Variants in DHDDS observed in about 807,000 individuals in gnomAD.
DHDDS encodes the protein dehydrodolichyl diphosphate synthase complex subunit DHDDS.
Under a neutral mutation model 46.2 loss-of-function variants are expected in DHDDS, and 16 were observed. The ratio of observed to expected loss-of-function variants is 0.35; its 90% CI spans 0.23 to 0.53. The LOEUF is 0.53. DHDDS is among the 20% of genes least tolerant of loss of function. The pLI, the probability that DHDDS is intolerant of heterozygous loss-of-function variation, is 0.94. For synonymous variants in DHDDS, 151 were observed against 163.1 expected (o/e 0.93, Z 0.56); for missense variants, 340 against 423.7 (o/e 0.80, Z 1.73).
At chr1:26,435,482 G>A (rs1421607185) in intron 2 of DHDDS, among the ~76,000 whole-genome samples, 1 of 136,174 alleles carries the variant, frequency 7.3e-6, no homozygotes, top group African/African-American at 2.8e-5. Flanking sequence ...CTGTCACCCA[G>A]GCTGGAGTGC....
rs767108433 is a variant in DHDDS, at chr1:26,451,841, G to C, written c.542+4181G>C. ...AGACGGGTTTCACCATGTTAGCCAG[G>C]ATGGTCTCGATCTCCTGACCTCGTG... On this transcript the variant is annotated intron_variant, in intron 6 of 8. Transcript: ENST00000236342. Among the ~76,000 whole-genome samples, 18 of 151,900 alleles carry C rather than the reference G, an allele frequency of 1.2e-4. 1 individual carries two copies. Among genetic ancestry groups the C allele is most frequent in the Non-Finnish European group, 2.5e-4 (17 of 67,978 alleles).
intron 4 of DHDDS, 106 bp from the exon 5 acceptor site, chr1:26,446,210 C>A: frequency 1.1e-6 from 1 of 875,646 alleles, no homozygotes; most frequent in Non-Finnish European, 1.9e-6. Flanking sequence ...GGGTCTGACA[C>A]ACAGGAAAGC....
chr1:26,462,868 A>T (rs550833771), intron 8 of DHDDS: 21 of 152,376 alleles, frequency 1.4e-4, no homozygotes, highest in African/African-American at 4.8e-4. Context: ...TGGAACTTGT[A>T]TTCTTGAGGA....
chr1:26,439,731 C>G (rs2075198921), intron 3 of DHDDS, among the ~76,000 whole-genome samples: 1 of 152,138 alleles, frequency 6.6e-6, no homozygotes, highest in Admixed American at 6.5e-5. Context: ...CCCGGCAAAC[C>G]AGGACATCAC....
chr1:26,465,200 GGAT>G (rs1224944096), intron 8 of DHDDS, among the ~76,000 whole-genome samples: 3 of 152,194 alleles, frequency 2.0e-5, no homozygotes, highest in African/African-American at 7.2e-5. Flanking sequence ...TCATCTCCAA[GGAT>G]GATATTAGAG....
At chr1:26,461,716 A>G (rs2075424318) in intron 8 of DHDDS, among the ~76,000 whole-genome samples, 1 of 152,242 alleles carries the variant, frequency 6.6e-6, no homozygotes, top group Non-Finnish European at 1.5e-5. Context: ...GGTTCACATA[A>G]CTGCTGAAAT....
chr1:26,458,580 A>G (rs904540827), intron 7 of DHDDS, among the ~76,000 whole-genome samples: 8 of 152,054 alleles, frequency 5.3e-5, no homozygotes, highest in African/African-American at 1.9e-4. Flanking sequence ...TCTACTAAAA[A>G]TACAGAAATT....
chr1:26,452,467 T>C (rs1042833820), intron 6 of DHDDS, among the ~76,000 whole-genome samples: 1 of 152,232 alleles, frequency 6.6e-6, no homozygotes, highest in Non-Finnish European at 1.5e-5. Context: ...CCGTGTTACC[T>C]TGAACGGGCT....
Position 26,440,504 on chromosome 1 carries a change from T to C in DHDDS, c.180+2220T>C, listed in dbSNP as rs141171910. ...AGCAATCTCTATCTCAGTAGATTAT[T>C]TGAAGATAAATAAGATGGCACAATG... On this transcript the variant is annotated intron_variant, in intron 3 of 8. Coordinates refer to ENST00000236342, the MANE Select transcript of DHDDS (RefSeq NM_205861.3). Among the ~76,000 whole-genome samples, 1,319 of 152,326 alleles carry C rather than the reference T, an allele frequency of 8.7e-3. 21 individuals are homozygous for C. The highest frequency in any genetic ancestry group is 0.029 in the African/African-American group (1,215 of 41,564).
rs181386887 is a variant in DHDDS, at chr1:26,455,683, G to A, written c.543-2108G>A. 3.6e-3 allele frequency among the ~76,000 whole-genome samples: 555 copies of A among 152,270 alleles called. 16 individuals carry two copies. The highest frequency in any genetic ancestry group is 0.032 in the Admixed American group (488 of 15,286). On this transcript the variant is annotated intron_variant, in intron 6 of 8. Transcript: ENST00000236342. The stretch of plus-strand genomic sequence containing the variant: ...AATCACTTGAACCCGAGAGGTGGAG[G>A]TTGCGGGAGCCAAGATTGCGCCACT...
rs553626225 is a variant in DHDDS, at chr1:26,450,986, G to T, written c.542+3326G>T. ...TAATATGCATTATGCCTAGGACTCTGATCTTGACTCCTAGTCCAGCATGCT... is the reference window on the plus strand; with the variant it reads ...TAATATGCATTATGCCTAGGACTCTTATCTTGACTCCTAGTCCAGCATGCT... On this transcript the variant is annotated intron_variant, in intron 6 of 8. Transcript: ENST00000236342. Among the ~76,000 whole-genome samples, 3 of 152,286 alleles carry T rather than the reference G, an allele frequency of 2.0e-5. No individual in the cohort carries two copies. The South Asian group carries it at 6.2e-4, about 32-fold the overall frequency.
chr1:26,442,897 G>A (rs1557437512), intron 4 of DHDDS, 24 bp downstream of exon 4: 4 of 1,613,654 alleles, frequency 2.5e-6, no homozygotes, highest in Middle Eastern at 1.7e-4. Flanking sequence ...AGAGGGGAGA[G>A]CATGTTCTTC....
At chr1:26,456,998 T>G (rs2075375534) in intron 6 of DHDDS, among the ~76,000 whole-genome samples, 1 of 152,226 alleles carries the variant, frequency 6.6e-6, no homozygotes, top group Non-Finnish European at 1.5e-5. Context: ...CATCAAATAC[T>G]GGGCCATAGG....
intron 3 of DHDDS, chr1:26,438,541 T>C (rs1279615599): frequency 7.0e-6 from 3 of 428,328 alleles, no homozygotes; most frequent in Non-Finnish European, 1.3e-5. Flanking sequence ...CCGGGTAACA[T>C]AGTCAGACCC....
chr1:26,437,087 G>A (rs1249671721), intron 2 of DHDDS, among the ~76,000 whole-genome samples: 2 of 151,754 alleles, frequency 1.3e-5, no homozygotes, highest in South Asian at 2.1e-4. Context: ...GGAGAATGGC[G>A]TGAACCCAGG....
intron 2 of DHDDS, among the ~76,000 whole-genome samples, chr1:26,433,458 G>T (rs2075122781): frequency 1.3e-5 from 2 of 151,972 alleles, no homozygotes; most frequent in Non-Finnish European, 2.9e-5. Flanking sequence ...AGACCAGCCT[G>T]GGCAACATGG....
chr1:26,468,958 G>A lies in DHDDS; in HGVS notation c.829G>A (p.Val277Met). Residue 277 changes from valine (V) to methionine (M), a missense_variant, in exon 9 of 9, where the codon GTG becomes ATG. Val to Met is a conservative substitution (Grantham distance 21). Transcript: ENST00000236342. Reference protein sequence around the residue: ...RQQLERDQATVTEQLLREGLQ... With the variant: ...RQQLERDQATMTEQLLREGLQ... ...GCAGCTGGAGAGGGACCAGGCTACAGTGACAGAGCAGCTGCTGCGAGAGGG... is the reference window on the plus strand; with the variant it reads ...GCAGCTGGAGAGGGACCAGGCTACAATGACAGAGCAGCTGCTGCGAGAGGG... 1 of 1,614,188 alleles carries A rather than the reference G, an allele frequency of 6.2e-7. No homozygotes were observed. Among genetic ancestry groups the A allele is most frequent in the Non-Finnish European group, 8.5e-7 (1 of 1,180,048 alleles).
rs1266174080 is a variant in DHDDS at position 26,471,048 on chromosome 1, G to A, written c.*1917G>A. ...GTGGAGTAGGGAGAAGCTGCCCCAG[G>A]AGGCGATGTAGTGGTGGAAAGAAGA... On this transcript the variant is annotated 3_prime_UTR_variant, in exon 9 of 9. Coordinates refer to ENST00000236342, the MANE Select transcript of DHDDS (RefSeq NM_205861.3). 2.0e-5 allele frequency: 3 copies of A among 152,360 alleles called. No individual in the cohort carries two copies. The highest frequency in any genetic ancestry group is 3.8e-4 in the East Asian group (2 of 5,208). 9.4% of individuals were successfully genotyped at this position (152,360 alleles called of 1,614,324 possible). A position where few individuals can be genotyped will look rare whatever the true frequency, so the allele number is the denominator to read the frequency against.
chr1:26,457,226 A>G (rs1468074951), intron 6 of DHDDS, among the ~76,000 whole-genome samples: 1 of 139,430 alleles, frequency 7.2e-6, no homozygotes, highest in Non-Finnish European at 1.6e-5. Context: ...TCAGAGGCCG[A>G]GGGGGGGGCG....
Sources: allele counts gnomAD v4.1 joint callset (sites outside exome capture counted in the v4.1 genomes callset), GRCh38; gene constraint gnomAD v4.1.1; transcripts MANE v1.5; gene names NCBI Gene and HGNC (gene_info 2026-07-23, HGNC 2026-07-21).